FHIT: variants seen among roughly 807,000 people sequenced by gnomAD.
FHIT encodes bis(5'-adenosyl)-triphosphatase.
FHIT carries 19 observed loss-of-function variants against 17.9 expected under a neutral mutation model. That is an observed-to-expected ratio of 1.06 (90% CI 0.74 to 1.56). The LOEUF (loss-of-function observed/expected upper bound fraction) is 1.56. Among genes scored for constraint, FHIT ranks in the 40% most tolerant of loss-of-function variants. FHIT has a pLI of 0.00. For synonymous variants in FHIT, 81 were observed against 69.7 expected (o/e 1.16, Z -0.81); for missense variants, 248 against 189.2 (o/e 1.31, Z -1.82).
At chr3:60,022,083 G>A (rs1575907682) in intron 5 of FHIT, among the ~76,000 whole-genome samples, 1 of 152,136 alleles carries the variant, frequency 6.6e-6, no homozygotes, top group African/African-American at 2.4e-5. Context: ...TTAATTATTA[G>A]TAATATTGTA....
chr3:61,115,059 G>A (rs2036261067), intron 2 of FHIT, among the ~76,000 whole-genome samples: 1 of 152,090 alleles, frequency 6.6e-6, no homozygotes, highest in South Asian at 2.1e-4. Flanking sequence ...TTTCCATCCG[G>A]AACAGATAAT....
intron 5 of FHIT, among the ~76,000 whole-genome samples, chr3:60,329,691 A>G (rs2106845877): frequency 6.6e-6 from 1 of 152,288 alleles, no homozygotes; most frequent in East Asian, 1.9e-4. Context: ...AAAGATCTCA[A>G]AGCAGAAAGA....
chr3:60,769,754 G>A (rs1239387839), intron 4 of FHIT, among the ~76,000 whole-genome samples: 3 of 152,196 alleles, frequency 2.0e-5, no homozygotes, highest in Non-Finnish European at 4.4e-5. Context: ...CGCTGGGATT[G>A]GCCAACACTC....
At chr3:60,001,820 A>T (rs1699740254) in intron 7 of FHIT, among the ~76,000 whole-genome samples, 1 of 152,168 alleles carries the variant, frequency 6.6e-6, no homozygotes, top group South Asian at 2.1e-4. Context: ...AAACAGTTTC[A>T]TCAAAATTAT....
chr3:60,445,061 C>A (rs1028778290), intron 5 of FHIT, among the ~76,000 whole-genome samples: 2 of 152,056 alleles, frequency 1.3e-5, no homozygotes, highest in Non-Finnish European at 2.9e-5. Flanking sequence ...GCTTAGTTAC[C>A]TGAGCCCTAC....
At chr3:60,693,853 G>T (rs963760066) in intron 4 of FHIT, among the ~76,000 whole-genome samples, 1 of 152,092 alleles carries the variant, frequency 6.6e-6, no homozygotes, top group Non-Finnish European at 1.5e-5. Flanking sequence ...TTGCACATTG[G>T]ACACAATTGT....
chr3:60,851,143 G>T (rs1703137676), intron 3 of FHIT, among the ~76,000 whole-genome samples: 1 of 152,130 alleles, frequency 6.6e-6, no homozygotes, highest in South Asian at 2.1e-4. Context: ...TGTTAAGAAA[G>T]CCACAATCCC....
intron 5 of FHIT, among the ~76,000 whole-genome samples, chr3:60,468,407 G>C (rs2032912628): frequency 6.6e-6 from 1 of 151,844 alleles, no homozygotes; most frequent in South Asian, 2.1e-4. Flanking sequence ...TTTAATGAAG[G>C]TGATTTTCTC....
chr3:60,109,419 G>A (rs2107173013), intron 5 of FHIT, among the ~76,000 whole-genome samples: 1 of 149,888 alleles, frequency 6.7e-6, no homozygotes, highest in South Asian at 2.2e-4. Flanking sequence ...CTCTATAAGT[G>A]AGTCTTAGGG....
intron 3 of FHIT, among the ~76,000 whole-genome samples, chr3:60,822,722 T>C (rs566338539): frequency 6.6e-6 from 1 of 152,142 alleles, no homozygotes. Context: ...CAAGTACAGT[T>C]TCTGGCACAT....
chr3:60,597,850 G>C (rs577099625), intron 4 of FHIT, among the ~76,000 whole-genome samples: 5 of 152,252 alleles, frequency 3.3e-5, no homozygotes, highest in South Asian at 4.1e-4. Flanking sequence ...CTAAGCAGCT[G>C]AGAGATATTG....
At chr3:61,017,029 G>A (rs1326245982) in intron 3 of FHIT, among the ~76,000 whole-genome samples, 3 of 152,318 alleles carry the variant, frequency 2.0e-5, no homozygotes, top group South Asian at 2.1e-4. Flanking sequence ...GCTCACACCT[G>A]TAATCCCAGC....
Position 60,135,304 on chromosome 3 carries a change from T to A in FHIT, c.104-121152A>T, listed in dbSNP as rs111572532. Among the ~76,000 whole-genome samples the A allele has an allele frequency of 5.9e-5, 9 of 151,954 alleles. No individual in the cohort carries two copies. The East Asian group carries it at 1.7e-3, about 29-fold the overall frequency. On this transcript the variant is annotated intron_variant, in intron 5 of 9. Transcript: ENST00000492590. ...GCCTTCAGGGACCAGGCAAATAGCA[T>A]AAATATAAGATTATAGGCGAGAAAA...
In FHIT at chr3:60,101,541, T is replaced by C. The variant is rs537462527; in HGVS notation, c.104-87389A>G. On this transcript the variant is annotated intron_variant, in intron 5 of 9. Coordinates refer to ENST00000492590, the MANE Select transcript of FHIT (RefSeq NM_002012.4). ...CCATGCTATTTTCTATTACATTACG[T>C]ATTTTTTTCTTCCTGCTCCTTTTTA... Among the ~76,000 whole-genome samples, 4 of 152,372 alleles carry C rather than the reference T, an allele frequency of 2.6e-5. No homozygotes were observed. In the South Asian group the frequency reaches 8.3e-4, roughly 32 times the overall value.
At chr3:60,991,252 C>T (rs917221311) in intron 3 of FHIT, among the ~76,000 whole-genome samples, 8 of 152,120 alleles carry the variant, frequency 5.3e-5, no homozygotes, top group East Asian at 3.9e-4. Flanking sequence ...GGGGACAAGC[C>T]GGGCTTGTTC....
At chr3:61,176,204 G>C (rs1164957197) in intron 2 of FHIT, among the ~76,000 whole-genome samples, 1 of 152,196 alleles carries the variant, frequency 6.6e-6, no homozygotes, top group Non-Finnish European at 1.5e-5. Context: ...AGCCATTGAG[G>C]CTCTTGGTGA....
chr3:60,668,023 A>C (rs950324227), intron 4 of FHIT, among the ~76,000 whole-genome samples: 7 of 151,996 alleles, frequency 4.6e-5, no homozygotes, highest in African/African-American at 1.7e-4. Context: ...GGAGAGTCTC[A>C]GGCATGTGAG....
chr3:60,989,150 T>C (rs1391851956), intron 3 of FHIT, among the ~76,000 whole-genome samples: 2 of 151,994 alleles, frequency 1.3e-5, no homozygotes, highest in African/African-American at 4.8e-5. Context: ...ACAGTTCTTC[T>C]AAGACATTAT....
chr3:60,947,640 C>T (rs1429222074), intron 3 of FHIT, among the ~76,000 whole-genome samples: 1 of 152,224 alleles, frequency 6.6e-6, no homozygotes, highest in Non-Finnish European at 1.5e-5. Flanking sequence ...CCTGTACCCA[C>T]ATGCCCACCC....
Sources: allele counts gnomAD v4.1 joint callset (sites outside exome capture counted in the v4.1 genomes callset), GRCh38; gene constraint gnomAD v4.1.1; transcripts MANE v1.5; gene names NCBI Gene and HGNC (gene_info 2026-07-23, HGNC 2026-07-21).